The following NBEA variants were observed in gnomAD, a reference collection of about 807,000 sequenced individuals.
NBEA encodes neurobeachin.
In NBEA, 44 loss-of-function variants were observed where a neutral mutation model predicts 343.4. The observed-to-expected ratio is 0.13, with a 90% CI of 0.10 to 0.16. The LOEUF (loss-of-function observed/expected upper bound fraction) is 0.16, where lower values mean the gene tolerates loss of function less well. NBEA is among the 10% of genes least tolerant of loss of function. NBEA has a pLI of 1.00. For synonymous variants in NBEA, 1,175 were observed against 1,238.7 expected (o/e 0.95, Z 1.08); for missense variants, 2,555 against 3,631.3 (o/e 0.70, Z 7.62).
intron 49 of NBEA, among the ~76,000 whole-genome samples, chr13:35,629,600 T>A (rs764282255): frequency 2.3e-4 from 35 of 152,110 alleles, no homozygotes; most frequent in Non-Finnish European, 3.7e-4. Context: ...GAGAAAAACA[T>A]AGAGACAGAA....
intron 8 of NBEA, among the ~76,000 whole-genome samples, chr13:35,062,072 C>T (rs1593225456): frequency 6.6e-6 from 1 of 151,258 alleles, no homozygotes; most frequent in Non-Finnish European, 1.5e-5. Flanking sequence ...TCATCATATA[C>T]CAACACCAAG....
chr13:35,321,039 T>C (rs1306502152), intron 36 of NBEA, among the ~76,000 whole-genome samples: 2 of 152,098 alleles, frequency 1.3e-5, no homozygotes, highest in Admixed American at 1.3e-4. Context: ...GGTTAGAAAA[T>C]GCTGCTTTAG....
At chr13:35,301,403 T>G (rs936958222) in intron 35 of NBEA, among the ~76,000 whole-genome samples, 6 of 152,140 alleles carry the variant, frequency 3.9e-5, no homozygotes, top group Non-Finnish European at 8.8e-5. Flanking sequence ...GTGTTCTCAT[T>G]GTTCAACTCC....
In NBEA at chr13:35,667,428, G is replaced by T; in HGVS notation, c.8519G>T (p.Gly2840Val). Residue 2840 changes from glycine (G) to valine (V), a missense_variant, in exon 57 of 59, where the codon GGA becomes GTA. Physicochemically the swap from Gly to Val is moderately radical, Grantham distance 109. Coordinates refer to ENST00000379939, the MANE Select transcript of NBEA (RefSeq NM_001385012.1). Reference sequence around the variant, plus strand: ...GGAGATTTGCTGAGAGCCCTTGAAGGACCAGAAAACTGCTTATTCCCACGC... The same window carrying T: ...GGAGATTTGCTGAGAGCCCTTGAAGTACCAGAAAACTGCTTATTCCCACGC... The part of the protein sequence containing the change: ...ITGDLLRALE[G>V]PENCLFPRLI... 1 of 1,613,964 alleles carries T rather than the reference G, an allele frequency of 6.2e-7. No homozygotes were observed. The highest frequency in any genetic ancestry group is 8.5e-7 in the Non-Finnish European group (1 of 1,179,888).
At chr13:35,181,358 G>A (rs985513862) in intron 28 of NBEA, among the ~76,000 whole-genome samples, 1 of 151,590 alleles carries the variant, frequency 6.6e-6, no homozygotes, top group African/African-American at 2.4e-5. Flanking sequence ...GGCCATTCTT[G>A]TGAGAGTAAG....
At chr13:35,595,366 T>TA (rs2081741261) in intron 47 of NBEA, among the ~76,000 whole-genome samples, 19 of 152,160 alleles carry the variant, frequency 1.2e-4, no homozygotes, top group Admixed American at 9.8e-4. Flanking sequence ...AAGACTTAAT[T>TA]AGTTCATAAG....
At chr13:35,213,237 T>G (rs1490338641) in intron 33 of NBEA, among the ~76,000 whole-genome samples, 1 of 152,068 alleles carries the variant, frequency 6.6e-6, no homozygotes, top group Non-Finnish European at 1.5e-5. Flanking sequence ...CTTTTCCCTG[T>G]GTTCTGTCAC....
intron 1 of NBEA, among the ~76,000 whole-genome samples, chr13:35,031,262 G>C (rs1196395713): frequency 6.6e-6 from 1 of 151,598 alleles, no homozygotes; most frequent in Non-Finnish European, 1.5e-5. Flanking sequence ...TAGTGTACAA[G>C]ATTCACAGTA....
intron 33 of NBEA, among the ~76,000 whole-genome samples, chr13:35,223,578 T>C (rs2074492095): frequency 6.6e-6 from 1 of 152,188 alleles, no homozygotes; most frequent in Admixed American, 6.6e-5. Context: ...ATATTTGAAT[T>C]TCAGCAGTGT....
intron 25 of NBEA, 97 bp downstream of exon 25, chr13:35,169,092 A>G: frequency 1.1e-6 from 1 of 911,586 alleles, no homozygotes; most frequent in South Asian, 1.9e-5. Flanking sequence ...TTGAGTTTTC[A>G]TATCATCTTT....
intron 5 of NBEA, 110 bp downstream of exon 5, chr13:35,048,794 A>G: frequency 1.6e-6 from 1 of 609,192 alleles, no homozygotes; most frequent in Non-Finnish European, 2.7e-6. Context: ...TGCGTATAAT[A>G]TATGCTAGAA....
In NBEA at chr13:35,078,767, G is replaced by A. The variant is rs73483935; in HGVS notation, c.1571+7915G>A. 7.0e-3 allele frequency among the ~76,000 whole-genome samples: 1,061 copies of A among 152,200 alleles called. 11 individuals are homozygous for A. The highest frequency in any genetic ancestry group is 0.022 in the African/African-American group (933 of 41,550). The stretch of plus-strand genomic sequence containing the variant: ...ATATCCTGAAGACTTGAGGCAAGCC[G>A]ACTTATAAAACTTTGAGAGGCCCAG... On this transcript the variant is annotated intron_variant, in intron 10 of 58. Coordinates refer to ENST00000379939, the MANE Select transcript of NBEA (RefSeq NM_001385012.1).
chr13:35,176,944 T>C (rs765820244), intron 27 of NBEA, 52 bp from the exon 28 acceptor site: 6 of 1,184,376 alleles, frequency 5.1e-6, no homozygotes, highest in Non-Finnish European at 7.3e-6. Context: ...GTGATACTTC[T>C]ATATATTATC....
At chr13:35,178,786 A>T (rs1374438590) in intron 28 of NBEA, among the ~76,000 whole-genome samples, 1 of 151,570 alleles carries the variant, frequency 6.6e-6, no homozygotes, top group African/African-American at 2.4e-5. Context: ...GTAAGAACTC[A>T]CTGTAATCTA....
At chr13:35,273,728 A>C (rs1594034766) in intron 34 of NBEA, among the ~76,000 whole-genome samples, 1 of 152,208 alleles carries the variant, frequency 6.6e-6, no homozygotes, top group Non-Finnish European at 1.5e-5. Context: ...AGAGACTACT[A>C]TAAACACCTC....
intron 40 of NBEA, among the ~76,000 whole-genome samples, chr13:35,463,121 G>GGGCA: frequency 6.6e-6 from 1 of 152,288 alleles, no homozygotes; most frequent in East Asian, 1.9e-4. Flanking sequence ...AAGGTTTAAA[G>GGGCA]GGCAGCCAAT....
At chr13:35,445,487 T>C (rs1252949677) in intron 39 of NBEA, among the ~76,000 whole-genome samples, 7 of 151,940 alleles carry the variant, frequency 4.6e-5, no homozygotes, top group Admixed American at 4.6e-4. Flanking sequence ...TGGTCTGAAT[T>C]TTTTTAATGT....
At chr13:35,160,126 G>A (rs939686990) in intron 22 of NBEA, 94 bp downstream of exon 22, 1 of 1,147,988 alleles carries the variant, frequency 8.7e-7, no homozygotes, top group Non-Finnish European at 1.2e-6. Context: ...GTTACTTCAT[G>A]TTTATATTGA....
intron 30 of NBEA, 92 bp downstream of exon 30, chr13:35,184,163 A>T: frequency 1.1e-6 from 1 of 896,238 alleles, no homozygotes; most frequent in Non-Finnish European, 1.7e-6. Context: ...GTTTATAAAT[A>T]AGTATATACC....
Sources: allele counts gnomAD v4.1 joint callset (sites outside exome capture counted in the v4.1 genomes callset), GRCh38; gene constraint gnomAD v4.1.1; transcripts MANE v1.5; gene names NCBI Gene and HGNC (gene_info 2026-07-23, HGNC 2026-07-21).